The following LRP2 variants were observed in gnomAD, a reference collection of about 807,000 sequenced individuals.
LRP2 encodes the protein low-density lipoprotein receptor-related protein 2.
LRP2 carries 172 observed loss-of-function variants against 531.0 expected under a neutral mutation model. The ratio of observed to expected loss-of-function variants is 0.32; its 90% CI spans 0.29 to 0.37. LRP2 has a LOEUF of 0.37. LRP2 is among the 10% of genes least tolerant of loss of function. LRP2 has a pLI of 1.00. For synonymous variants in LRP2, 1,992 were observed against 2,027.6 expected, an observed-to-expected ratio of 0.98 and a Z score of 0.47; for missense variants, 5,167 against 5,868.3, an observed-to-expected ratio of 0.88 and a Z score of 3.90.
At chr2:169,156,094 G>A (rs1291344395) in intron 65 of LRP2, among the ~76,000 whole-genome samples, 180 bp downstream of exon 65, 1 of 152,000 alleles carries the variant, frequency 6.6e-6, no homozygotes, top group African/African-American at 2.4e-5. Flanking sequence ...GTTTTAAGCT[G>A]GCAGGGGAGG....
rs372898143 is a variant in LRP2 at position 169,192,008 on chromosome 2, C to G, written c.8856G>C (p.Glu2952Asp). ...GAGGTCTGTCATTTACACAGAGAAA[C>G]TCGGAATCCGAGCAGTTTTGATTCT... ...QCQNQNCSDS[E>D]FLCVNDRPPD... The change falls in exon 48 of 79, where the codon GAG (glutamate) becomes GAC (aspartate). Residue 2952 changes from glutamate to aspartate, a missense_variant. By Grantham distance (45) the Glu-to-Asp change is conservative. Around this residue, in one of 6 missense-constraint regions of LRP2, gnomAD observed 1,129 missense variants for 1,362.7 expected, o/e 0.83. Transcript: ENST00000649046. 6.2e-7 allele frequency: 1 copy of G among 1,612,982 alleles called. No individual in the cohort carries two copies. The highest frequency in any genetic ancestry group is 8.5e-7 in the Non-Finnish European group (1 of 1,178,968).
intron 45 of LRP2, among the ~76,000 whole-genome samples, chr2:169,197,322 A>T (rs1002061503): frequency 3.9e-5 from 6 of 152,228 alleles, no homozygotes; most frequent in African/African-American, 1.4e-4. Flanking sequence ...AAATGAAATC[A>T]CAAATTATAA....
intron 71 of LRP2, among the ~76,000 whole-genome samples, chr2:169,140,976 A>G (rs141991036): frequency 6.8e-4 from 104 of 152,302 alleles, no homozygotes; most frequent in Non-Finnish European, 1.2e-3. Context: ...TGATCAGTCC[A>G]CAGGCAGTCA....
At chr2:169,190,800 T>C (rs1164059624) in intron 48 of LRP2, among the ~76,000 whole-genome samples, 1 of 152,224 alleles carries the variant, frequency 6.6e-6, no homozygotes, top group East Asian at 1.9e-4. Flanking sequence ...AGCAAGCGCC[T>C]TTCTGGACTC....
At position 169,207,270 on chromosome 2, in the gene LRP2, GC is replaced by G; in HGVS notation, c.6470-21del. The G allele has an allele frequency of 6.4e-7, 1 of 1,561,884 alleles. No homozygotes were observed. Among genetic ancestry groups the G allele is most frequent in the Non-Finnish European group, 8.8e-7 (1 of 1,132,886 alleles). ...GATTTCCTATGGGAAAAATGAAAGT[GC>G]ATGCTGATCAATGGAGAACCAAGAA... On this transcript the variant is annotated intron_variant, in intron 38 of 78. Coordinates refer to ENST00000649046, the MANE Select transcript of LRP2 (RefSeq NM_004525.3).
intron 5 of LRP2, 48 bp from the exon 6 acceptor site, chr2:169,294,309 A>G: frequency 9.2e-7 from 1 of 1,082,676 alleles, no homozygotes; most frequent in Admixed American, 1.7e-5. Context: ...AGTTAACTCC[A>G]TTGTAGCCAT....
At chr2:169,152,336 C>T (rs535655619) in intron 67 of LRP2, among the ~76,000 whole-genome samples, 47 of 152,196 alleles carry the variant, frequency 3.1e-4, no homozygotes, top group African/African-American at 1.1e-3. Flanking sequence ...GTGGATTGTT[C>T]GTCCCCAAGA....
intron 77 of LRP2, among the ~76,000 whole-genome samples, chr2:169,131,254 AGT>A (rs3835382): frequency 0.37 from 54,739 of 148,378 alleles, 10,146 homozygotes; most frequent in Admixed American, 0.46. Context: ...TGAGTGTATG[AGT>A]GTGTGTGTGT....
intron 28 of LRP2, among the ~76,000 whole-genome samples, chr2:169,236,619 C>T (rs1157313750): frequency 6.6e-6 from 1 of 152,170 alleles, no homozygotes; most frequent in Non-Finnish European, 1.5e-5. Context: ...TTTCCAAACA[C>T]ATGGGAGAAT....
At chr2:169,165,366 T>A (rs950596380) in intron 62 of LRP2, among the ~76,000 whole-genome samples, 1 of 152,256 alleles carries the variant, frequency 6.6e-6, no homozygotes, top group Admixed American at 6.5e-5. Flanking sequence ...GCTATTTCAA[T>A]GCCTCGATTG....
At chr2:169,199,803 A>G (rs1177660513) in intron 44 of LRP2, among the ~76,000 whole-genome samples, 1 of 152,222 alleles carries the variant, frequency 6.6e-6, no homozygotes, top group Non-Finnish European at 1.5e-5. Context: ...GGTTATAATA[A>G]TGTTGAAATT....
chr2:169,240,542 GA>G (rs1270027153), intron 25 of LRP2, among the ~76,000 whole-genome samples: 2 of 152,192 alleles, frequency 1.3e-5, no homozygotes, highest in African/African-American at 4.8e-5. Flanking sequence ...ATTGATTAAA[GA>G]GGAAAGAAAG....
At chr2:169,204,503 A>C (rs1688311328) in intron 41 of LRP2, among the ~76,000 whole-genome samples, 1 of 152,190 alleles carries the variant, frequency 6.6e-6, no homozygotes. Flanking sequence ...GTAATCCTAC[A>C]AAAGGAATCA....
chr2:169,339,957 T>C (rs1228410971), intron 1 of LRP2, among the ~76,000 whole-genome samples: 1 of 152,210 alleles, frequency 6.6e-6, no homozygotes, highest in Non-Finnish European at 1.5e-5. Context: ...CACAAACTTA[T>C]GGATACATCT....
chr2:169,355,570 A>C (rs922065724), intron 1 of LRP2, among the ~76,000 whole-genome samples: 1 of 152,188 alleles, frequency 6.6e-6, no homozygotes, highest in Non-Finnish European at 1.5e-5. Context: ...TTTATGACCT[A>C]AGTAGAGACC....
At chr2:169,217,522 C>A (rs1372142410) in intron 34 of LRP2, among the ~76,000 whole-genome samples, 1 of 152,116 alleles carries the variant, frequency 6.6e-6, no homozygotes, top group Non-Finnish European at 1.5e-5. Flanking sequence ...CAACAATATT[C>A]TTATTTATTC....
chr2:169,307,863 T>G (rs1384273833), intron 3 of LRP2, among the ~76,000 whole-genome samples: 4 of 152,202 alleles, frequency 2.6e-5, no homozygotes, highest in Non-Finnish European at 5.9e-5. Context: ...ATAAACTGCC[T>G]ACATTGACCA....
At chr2:169,234,742 C>T (rs1689540124) in intron 29 of LRP2, among the ~76,000 whole-genome samples, 3 of 152,302 alleles carry the variant, frequency 2.0e-5, no homozygotes, top group African/African-American at 7.2e-5. Flanking sequence ...CTCCCACCAA[C>T]AGTGTAAAAG....
intron 16 of LRP2, among the ~76,000 whole-genome samples, chr2:169,266,424 G>T (rs1332130512): frequency 1.3e-5 from 2 of 151,918 alleles, no homozygotes; most frequent in East Asian, 1.9e-4. Flanking sequence ...CAGATAAAAT[G>T]ATATCCAACA....
Sources: allele counts gnomAD v4.1 joint callset (sites outside exome capture counted in the v4.1 genomes callset), GRCh38; gene constraint gnomAD v4.1.1; regional missense constraint gnomAD v4.1.1; transcripts MANE v1.5; gene names NCBI Gene and HGNC (gene_info 2026-07-23, HGNC 2026-07-21).